The following PPM1L variants were observed in gnomAD, a reference collection of about 807,000 sequenced individuals.
PPM1L encodes the protein protein phosphatase, Mg2+/Mn2+ dependent 1L, also known as protein phosphatase 1L.
PPM1L carries 13 observed loss-of-function variants against 31.4 expected under a neutral mutation model. The ratio of observed to expected loss-of-function variants is 0.41; its 90% confidence interval spans 0.27 to 0.66. The LOEUF (loss-of-function observed/expected upper bound fraction) is 0.66. Among genes scored for constraint, PPM1L ranks in the 30% least tolerant of loss-of-function variants. The probability of loss-of-function intolerance (pLI) is 0.29; values close to 1 mark genes in which losing one functional copy is unlikely to be tolerated. For missense variants in PPM1L, 326 were observed against 453.7 expected (o/e 0.72, Z 2.56); for synonymous variants, 184 against 175.4 (o/e 1.05, Z -0.39).
At chr3:161,010,735 A>C (rs528545715) in intron 2 of PPM1L, among the ~76,000 whole-genome samples, 1 of 152,306 alleles carries the variant, frequency 6.6e-6, no homozygotes, top group African/African-American at 2.4e-5. Context: ...GTGAGATGGT[A>C]TCTCATTTTG....
At chr3:160,790,237 C>T (rs546589566) in intron 1 of PPM1L, among the ~76,000 whole-genome samples, 19 of 152,118 alleles carry the variant, frequency 1.2e-4, no homozygotes, top group East Asian at 7.7e-4. Flanking sequence ...GATGATATTA[C>T]GCTGATAAAT....
At chr3:161,005,101 T>A (rs1366468642) in intron 2 of PPM1L, among the ~76,000 whole-genome samples, 1 of 152,214 alleles carries the variant, frequency 6.6e-6, no homozygotes, top group Non-Finnish European at 1.5e-5. Context: ...GTTATTGGTA[T>A]GTTGTGTCTT....
At chr3:160,819,489 A>G (rs2108089923) in intron 1 of PPM1L, among the ~76,000 whole-genome samples, 1 of 152,126 alleles carries the variant, frequency 6.6e-6, no homozygotes, top group Non-Finnish European at 1.5e-5. Context: ...CCATTTATTG[A>G]GCACTATTTT....
In PPM1L at chr3:160,910,352, A is replaced by G. The variant is rs1026107189; in HGVS notation, c.400-51384A>G. On this transcript the variant is annotated intron_variant, in intron 1 of 3. Coordinates refer to ENST00000498165, the MANE Select transcript of PPM1L (RefSeq NM_139245.4). ...CCTTTTTGACAGAGTCTCACTGGTC[A>G]CCCAGTCTGGAGTGCACTGGCACAA... is the stretch of plus-strand genomic sequence containing the variant. 2.4e-5 allele frequency among the ~76,000 whole-genome samples: 3 copies of G among 124,606 alleles called. No individual in the cohort carries two copies. The South Asian group carries it at 7.5e-4, about 31-fold the overall frequency. 81.7% of individuals were successfully genotyped at this position (124,606 alleles called of 152,430 possible).
intron 1 of PPM1L, among the ~76,000 whole-genome samples, chr3:160,854,429 A>G (rs532352830): frequency 6.6e-6 from 1 of 152,310 alleles, no homozygotes; most frequent in African/African-American, 2.4e-5. Flanking sequence ...AGTAGGGAAC[A>G]GTGAAGGATA....
intron 1 of PPM1L, among the ~76,000 whole-genome samples, chr3:160,830,776 T>G (rs946813504): frequency 2.6e-5 from 4 of 152,208 alleles, no homozygotes; most frequent in Non-Finnish European, 4.4e-5. Context: ...CTCTTGCAAT[T>G]TTAAGACTAC....
intron 3 of PPM1L, among the ~76,000 whole-genome samples, chr3:161,066,390 A>T (rs972362521): frequency 6.6e-6 from 1 of 152,214 alleles, no homozygotes; most frequent in African/African-American, 2.4e-5. Context: ...ACAAAAAAAA[A>T]TAGTAAAAGT....
chr3:160,848,783 C>A (rs1176736028), intron 1 of PPM1L, among the ~76,000 whole-genome samples: 1 of 152,216 alleles, frequency 6.6e-6, no homozygotes, highest in Non-Finnish European at 1.5e-5. Context: ...AATTCCCCTT[C>A]TTTCCTGCTA....
chr3:161,014,499 G>A (rs1718013582), intron 2 of PPM1L, among the ~76,000 whole-genome samples: 1 of 142,628 alleles, frequency 7.0e-6, no homozygotes, highest in Non-Finnish European at 1.5e-5. Flanking sequence ...TTTTTAGATG[G>A]AGTCTTGCTC....
chr3:160,782,513 G>T (rs962597489), intron 1 of PPM1L, among the ~76,000 whole-genome samples: 1 of 152,086 alleles, frequency 6.6e-6, no homozygotes, highest in African/African-American at 2.4e-5. Flanking sequence ...ATTCTTCTGG[G>T]CTATGTGGAA....
chr3:160,920,639 T>TCACACA (rs1224798497), intron 1 of PPM1L, among the ~76,000 whole-genome samples: 3 of 63,320 alleles, frequency 4.7e-5, no homozygotes, highest in Non-Finnish European at 8.0e-5. Context: ...ACACACACAC[T>TCACACA]CACACACACA....
intron 1 of PPM1L, among the ~76,000 whole-genome samples, chr3:160,848,346 A>G (rs574474672): frequency 2.0e-5 from 3 of 152,270 alleles, no homozygotes; most frequent in East Asian, 3.9e-4. Context: ...TGCTGGGTCA[A>G]CAACAACCCA....
chr3:160,759,560 T>C (rs1409240831), intron 1 of PPM1L, among the ~76,000 whole-genome samples: 1 of 152,164 alleles, frequency 6.6e-6, no homozygotes, highest in African/African-American at 2.4e-5. Context: ...TTTACCTAGA[T>C]AGATGGTGCC....
intron 1 of PPM1L, among the ~76,000 whole-genome samples, chr3:160,781,160 G>T (rs935342015): frequency 7.2e-5 from 11 of 152,122 alleles, no homozygotes; most frequent in African/African-American, 1.9e-4. Context: ...CCCCACTCAT[G>T]TTCTACTGTG....
At chr3:160,969,651 T>C (rs1716258996) in intron 2 of PPM1L, among the ~76,000 whole-genome samples, 1 of 152,188 alleles carries the variant, frequency 6.6e-6, no homozygotes, top group African/African-American at 2.4e-5. Flanking sequence ...TTCCTTACTT[T>C]ATATCTTCAA....
intron 2 of PPM1L, among the ~76,000 whole-genome samples, chr3:161,002,106 C>A (rs770133240): frequency 6.6e-6 from 1 of 151,448 alleles, no homozygotes; most frequent in Non-Finnish European, 1.5e-5. Context: ...TGTGTTCTTG[C>A]GATAGTTTAC....
intron 1 of PPM1L, among the ~76,000 whole-genome samples, chr3:160,946,762 C>A (rs780792085): frequency 6.6e-6 from 1 of 152,096 alleles, no homozygotes; most frequent in Non-Finnish European, 1.5e-5. Flanking sequence ...TCATACTGGG[C>A]AATTTCCATG....
At chr3:161,039,295 T>G (rs922070610) in intron 2 of PPM1L, among the ~76,000 whole-genome samples, 1 of 152,192 alleles carries the variant, frequency 6.6e-6, no homozygotes, top group African/African-American at 2.4e-5. Flanking sequence ...CCTTTTCCTG[T>G]AACAATTTTG....
chr3:161,070,172 C>G lies in PPM1L; in HGVS notation c.*1015C>G, dbSNP rs921044165. 4 of 152,290 alleles carry G rather than the reference C, an allele frequency of 2.6e-5. No individual in the cohort carries two copies. Among genetic ancestry groups the G allele is most frequent in the African/African-American group, 9.7e-5 (4 of 41,450 alleles). 9.4% of individuals were successfully genotyped at this position (152,290 alleles called of 1,614,324 possible). On this transcript the variant is annotated 3_prime_UTR_variant, in exon 4 of 4. Transcript: ENST00000498165. ...CCAGTTTTTGTGTTTTTCCTTGCCC[C>G]TTTCCAAGTGGTTTTCAAGTGTCAG...
Sources: gnomAD v4.1 joint callset for allele counts (sites outside exome capture counted in the v4.1 genomes callset) on GRCh38, gnomAD v4.1.1 for gene constraint, MANE v1.5 for transcripts, NCBI Gene and HGNC (gene_info 2026-07-23, HGNC 2026-07-21) for gene names.